The following VTA1 variants were observed in gnomAD, a reference collection of about 807,000 sequenced individuals.
The protein encoded by VTA1 is vesicle trafficking 1, also known as vacuolar protein sorting-associated protein VTA1 homolog.
A neutral mutation model predicts 36.9 loss-of-function variants in VTA1; 24 were observed. The observed-to-expected ratio is 0.65, with a 90% confidence interval of 0.47 to 0.91. The LOEUF (loss-of-function observed/expected upper bound fraction) is 0.91. Among genes scored for constraint, VTA1 ranks in the 40% least tolerant of loss-of-function variants. VTA1 has a pLI of 0.00. For missense variants in VTA1, 393 were observed against 377.2 expected (o/e 1.04, Z -0.35); for synonymous variants, 142 against 130.2 (o/e 1.09, Z -0.62).
In VTA1 at chr6:142,221,306, T is replaced by C. The variant is rs936023624; in HGVS notation, c.*2663T>C. Reference sequence around the variant, plus strand: ...AGATGCTTAGGTGTGTACAGACATATGCATATTTCAATAGAATAGCCAGGA... The same window carrying C: ...AGATGCTTAGGTGTGTACAGACATACGCATATTTCAATAGAATAGCCAGGA... On this transcript the variant is annotated 3_prime_UTR_variant, in exon 8 of 8. Coordinates refer to ENST00000367630, the MANE Select transcript of VTA1 (RefSeq NM_016485.5). 5.9e-5 allele frequency: 9 copies of C among 152,166 alleles called. No individual in the cohort carries two copies. Among genetic ancestry groups the C allele is most frequent in the South Asian group, 2.1e-4 (1 of 4,830 alleles). The allele number at this position is 152,166 out of a possible 1,614,324, so 9.4% of individuals were successfully genotyped here. A position where few individuals can be genotyped will look rare whatever the true frequency, so the allele number is the denominator to read the frequency against.
At chr6:142,181,238 A>G (rs1442588761) in intron 4 of VTA1, among the ~76,000 whole-genome samples, 4 of 145,540 alleles carry the variant, frequency 2.7e-5, no homozygotes, top group Admixed American at 2.1e-4. Context: ...GGTTCATGCC[A>G]TTCTCCTGCC....
intron 1 of VTA1, among the ~76,000 whole-genome samples, chr6:142,149,620 A>G (rs956335752): frequency 1.3e-5 from 2 of 152,144 alleles, no homozygotes; most frequent in Non-Finnish European, 2.9e-5. Context: ...ATCCTTTGTT[A>G]TATGTGTTGT....
chr6:142,218,815 A>G lies in VTA1; in HGVS notation c.*172A>G. ...GAAGCATTCATCAGCAGCCTCAACC[A>G]GTTTTCATTGTCCATTTACTAGATT... On this transcript the variant is annotated 3_prime_UTR_variant, in exon 8 of 8. Transcript: ENST00000367630. 1 of 693,356 alleles carries G rather than the reference A, an allele frequency of 1.4e-6. No individual in the cohort carries two copies. Among genetic ancestry groups the G allele is most frequent in the Non-Finnish European group, 2.2e-6 (1 of 454,108 alleles). 43.0% of individuals were successfully genotyped at this position (693,356 alleles called of 1,614,324 possible).
intron 1 of VTA1, among the ~76,000 whole-genome samples, chr6:142,157,021 G>A (rs1047896083): frequency 2.0e-5 from 3 of 152,092 alleles, no homozygotes; most frequent in Non-Finnish European, 4.4e-5. Context: ...AAAATTAGCC[G>A]GGCGTGGTAG....
intron 4 of VTA1, among the ~76,000 whole-genome samples, chr6:142,187,839 A>G (rs1008646970): frequency 3.3e-5 from 5 of 152,036 alleles, no homozygotes; most frequent in Non-Finnish European, 5.9e-5. Flanking sequence ...ATACTCAACT[A>G]AGTATCTGGA....
At chr6:142,185,994 G>A (rs1233800678) in intron 4 of VTA1, among the ~76,000 whole-genome samples, 1 of 152,154 alleles carries the variant, frequency 6.6e-6, no homozygotes, top group African/African-American at 2.4e-5. Flanking sequence ...GAGGGTCTGG[G>A]AGGACACTTT....
intron 6 of VTA1, among the ~76,000 whole-genome samples, chr6:142,203,710 G>A (rs1334096001): frequency 6.6e-6 from 1 of 152,102 alleles, no homozygotes; most frequent in African/African-American, 2.4e-5. Context: ...TTGAAAGGTA[G>A]GGAGTTTGCT....
chr6:142,168,758 T>TATTATC (rs1774972677), intron 2 of VTA1, among the ~76,000 whole-genome samples: 1 of 147,356 alleles, frequency 6.8e-6, no homozygotes, highest in Admixed American at 6.8e-5. Flanking sequence ...TTATTATTAT[T>TATTATC]ATTATTATTA....
At chr6:142,182,883 C>A (rs1775269077) in intron 4 of VTA1, among the ~76,000 whole-genome samples, 1 of 152,152 alleles carries the variant, frequency 6.6e-6, no homozygotes, top group Non-Finnish European at 1.5e-5. Flanking sequence ...TGCGTGAGAT[C>A]ATCAAGTGTA....
Position 142,174,789 on chromosome 6 carries a change from G to A in VTA1, c.411+4368G>A, listed in dbSNP as rs978260089. Among the ~76,000 whole-genome samples the A allele has an allele frequency of 2.6e-5, 4 of 152,048 alleles. No individual in the cohort carries two copies. In the East Asian group the frequency reaches 5.8e-4, roughly 22 times the overall value. ...TCCCCATGGTAATAAGTGAGTTTTT[G>A]CCCTGTTATTTCACGTGAGAAGTGG... On this transcript the variant is annotated intron_variant, in intron 4 of 7. Transcript: ENST00000367630.
chr6:142,189,213 G>A (rs969761914), intron 4 of VTA1, among the ~76,000 whole-genome samples: 2 of 152,158 alleles, frequency 1.3e-5, no homozygotes, highest in Non-Finnish European at 2.9e-5. Context: ...AGAACTGGGC[G>A]TATGTTTTGA....
rs1236360066 is a variant in VTA1, at chr6:142,224,383, T to C, written c.*5740T>C. On this transcript the variant is annotated 3_prime_UTR_variant, in exon 8 of 8. Coordinates refer to ENST00000367630, the MANE Select transcript of VTA1 (RefSeq NM_016485.5). ...GGACACTGGACGGTCTATTGTGCCATGCTTATATATTTTCTGTATACAATG... is the reference window on the plus strand; with the variant it reads ...GGACACTGGACGGTCTATTGTGCCACGCTTATATATTTTCTGTATACAATG... The C allele has an allele frequency of 4.6e-5, 7 of 152,242 alleles. No individual in the cohort carries two copies. The highest frequency in any genetic ancestry group is 1.7e-4 in the African/African-American group (7 of 41,468). 9.4% of individuals were successfully genotyped at this position (152,242 alleles called of 1,614,324 possible). A position where few individuals can be genotyped will look rare whatever the true frequency, so the allele number is the denominator to read the frequency against.
At position 142,173,482 on chromosome 6, in the gene VTA1, G is replaced by T. The variant is rs1292430492; in HGVS notation, c.411+3061G>T. Among the ~76,000 whole-genome samples the T allele has an allele frequency of 2.6e-5, 4 of 152,194 alleles. No homozygotes were observed. The South Asian group carries it at 8.3e-4, about 31-fold the overall frequency. On this transcript the variant is annotated intron_variant, in intron 4 of 7. Transcript: ENST00000367630. ...GACGGGGTTTCACTGTGTTGGCCAG[G>T]ATGGTCTTGATCTCCTGATCTCGTG...
intron 1 of VTA1, among the ~76,000 whole-genome samples, chr6:142,164,142 C>T (rs967690972): frequency 6.6e-5 from 10 of 152,012 alleles, no homozygotes; most frequent in African/African-American, 2.4e-4. Context: ...AGAAAAGATA[C>T]CTAATATTCT....
intron 4 of VTA1, among the ~76,000 whole-genome samples, chr6:142,173,249 A>G (rs1156405711): frequency 6.6e-6 from 1 of 152,234 alleles, no homozygotes; most frequent in African/African-American, 2.4e-5. Context: ...GAGATGACTA[A>G]ATAAATACCC....
At chr6:142,163,998 C>T (rs1051792065) in intron 1 of VTA1, among the ~76,000 whole-genome samples, 3 of 151,676 alleles carry the variant, frequency 2.0e-5, no homozygotes, top group Non-Finnish European at 4.4e-5. Flanking sequence ...TTTGCCAATC[C>T]CTGGGATCAT....
At chr6:142,157,258 TA>T (rs1778678903) in intron 1 of VTA1, among the ~76,000 whole-genome samples, 1 of 152,372 alleles carries the variant, frequency 6.6e-6, no homozygotes, top group African/African-American at 2.4e-5. Context: ...CAAGTTTAAC[TA>T]AACCAATAAA....
At chr6:142,173,199 T>G (rs1259191172) in intron 4 of VTA1, among the ~76,000 whole-genome samples, 1 of 152,216 alleles carries the variant, frequency 6.6e-6, no homozygotes, top group African/African-American at 2.4e-5. Flanking sequence ...GTTATAAGAT[T>G]AGACAAACCC....
chr6:142,205,126 A>G (rs1032208736), intron 7 of VTA1, among the ~76,000 whole-genome samples: 3 of 152,158 alleles, frequency 2.0e-5, no homozygotes, highest in Non-Finnish European at 4.4e-5. Context: ...GAACTGGCCA[A>G]TAAGCCTTCC....
Sources: allele counts gnomAD v4.1 joint callset (sites outside exome capture counted in the v4.1 genomes callset), GRCh38; gene constraint gnomAD v4.1.1; transcripts MANE v1.5; gene names NCBI Gene and HGNC (gene_info 2026-07-23, HGNC 2026-07-21).